The following OR51B5 variants were observed in gnomAD, a reference collection of about 807,000 sequenced individuals.
OR51B5 encodes the protein olfactory receptor 51B5.
For missense variants in OR51B5, 456 were observed against 374.6 expected (o/e 1.22, Z -1.79); for synonymous variants, 186 against 144.8 (o/e 1.28, Z -2.04).
intron 1 of OR51B5, among the ~76,000 whole-genome samples, chr11:5,379,316 T>C (rs1355537133): frequency 2.6e-5 from 4 of 151,464 alleles, no homozygotes; most frequent in African/African-American, 7.3e-5. Context: ...TGTTGTGGGG[T>C]GGGGGTGCAG....
At chr11:5,415,473 T>C in intron 1 of OR51B5, among the ~76,000 whole-genome samples, 1 of 151,328 alleles carries the variant, frequency 6.6e-6, no homozygotes, top group Non-Finnish European at 1.5e-5. Flanking sequence ...TTCAAAAAAT[T>C]AATGAATCCA....
chr11:5,434,335 A>G (rs775947601), intron 1 of OR51B5, among the ~76,000 whole-genome samples: 4 of 152,146 alleles, frequency 2.6e-5, no homozygotes, highest in Non-Finnish European at 4.4e-5. Flanking sequence ...CTCTGGACCT[A>G]CAAGTTAAAC....
At chr11:5,487,311 A>C (rs916429555) in intron 1 of OR51B5, among the ~76,000 whole-genome samples, 1 of 152,126 alleles carries the variant, frequency 6.6e-6, no homozygotes, top group Non-Finnish European at 1.5e-5. Flanking sequence ...CTGGGTATAC[A>C]AATGTTTAAT....
chr11:5,419,006 T>C (rs2133757809), intron 1 of OR51B5, among the ~76,000 whole-genome samples: 1 of 152,314 alleles, frequency 6.6e-6, no homozygotes, highest in East Asian at 1.9e-4. Flanking sequence ...TGCTCATTTT[T>C]TGAGTCATGT....
intron 1 of OR51B5, among the ~76,000 whole-genome samples, chr11:5,396,626 G>C (rs1039202914): frequency 6.6e-6 from 1 of 151,844 alleles, no homozygotes; most frequent in African/African-American, 2.4e-5. Flanking sequence ...TGGCCATACT[G>C]CCCAAGGTAA....
At chr11:5,434,432 G>A (rs953884611) in intron 1 of OR51B5, among the ~76,000 whole-genome samples, 6 of 152,120 alleles carry the variant, frequency 3.9e-5, no homozygotes, top group Non-Finnish European at 7.4e-5. Context: ...ACACTCCAGG[G>A]TGGTGCCCAC....
At chr11:5,458,585 C>T (rs140272512) in intron 1 of OR51B5, among the ~76,000 whole-genome samples, 4 of 152,228 alleles carry the variant, frequency 2.6e-5, no homozygotes, top group East Asian at 1.9e-4. Context: ...TTCCTATCCA[C>T]GGGCATGAAA....
At chr11:5,466,465 A>G (rs2133797713) in intron 1 of OR51B5, among the ~76,000 whole-genome samples, 1 of 152,328 alleles carries the variant, frequency 6.6e-6, no homozygotes. Flanking sequence ...GAAGTCAGTA[A>G]TGTGGTTTCT....
intron 1 of OR51B5, among the ~76,000 whole-genome samples, chr11:5,395,496 T>A (rs1564799025): frequency 1.3e-5 from 2 of 152,166 alleles, no homozygotes; most frequent in Non-Finnish European, 2.9e-5. Flanking sequence ...TTCTATCATA[T>A]CTCCCGTGAT....
At chr11:5,493,302 G>A (rs1241873604) in intron 1 of OR51B5, among the ~76,000 whole-genome samples, 1 of 152,148 alleles carries the variant, frequency 6.6e-6, no homozygotes, top group Non-Finnish European at 1.5e-5. Context: ...ATTCTAAAGA[G>A]ACATCATCAT....
At chr11:5,487,426 A>T (rs1851514329) in intron 1 of OR51B5, among the ~76,000 whole-genome samples, 1 of 152,140 alleles carries the variant, frequency 6.6e-6, no homozygotes, top group African/African-American at 2.4e-5. Flanking sequence ...AAGGCTTTGG[A>T]ATTTTTTTCA....
At chr11:5,343,338 T>G in exon 1 of OR51B5, 1 of 1,612,162 alleles carries the variant, frequency 6.2e-7, no homozygotes, top group East Asian at 2.2e-5. Flanking sequence ...GCAGCCAGCA[T>G]GGCCAGAAAG....
intron 1 of OR51B5, among the ~76,000 whole-genome samples, chr11:5,370,102 C>G (rs940826487): frequency 2.6e-4 from 40 of 152,046 alleles, no homozygotes; most frequent in Non-Finnish European, 7.4e-5. Context: ...CAAGCTGCTT[C>G]TATAGAAATG....
chr11:5,397,368 A>AT (rs1387251287), intron 1 of OR51B5, among the ~76,000 whole-genome samples: 2 of 152,152 alleles, frequency 1.3e-5, no homozygotes, highest in Non-Finnish European at 2.9e-5. Context: ...GAGAAAAAAA[A>AT]CCCCATCAAA....
intron 1 of OR51B5, among the ~76,000 whole-genome samples, chr11:5,480,085 A>C (rs966369728): frequency 6.6e-6 from 1 of 152,182 alleles, no homozygotes; most frequent in East Asian, 1.9e-4. Flanking sequence ...CACCTATTCC[A>C]AAATTGACCA....
intron 1 of OR51B5, among the ~76,000 whole-genome samples, chr11:5,378,367 A>G (rs1188981798): frequency 1.3e-5 from 2 of 152,080 alleles, no homozygotes; most frequent in African/African-American, 4.8e-5. Context: ...CCTAGAAGAA[A>G]ACGCAGGCAT....
chr11:5,454,188 C>T lies in OR51B5; in HGVS notation n.84+51381G>A, dbSNP rs181429737. 1.4e-4 allele frequency: 227 copies of T among 1,604,332 alleles called. No homozygotes were observed. Among genetic ancestry groups the T allele is most frequent in the Non-Finnish European group, 1.7e-4 (200 of 1,173,660 alleles). On this transcript the variant is annotated intron_variant and non_coding_transcript_variant, in intron 1 of 4. Transcript: ENST00000415970. ...CATGGCCACTGCTTCCCGTGAGGAA[C>T]GCCTCAAAGCTCTCAACACATGTGT... is the stretch of plus-strand genomic sequence containing the variant.
At chr11:5,462,395 C>T (rs1851070295) in intron 1 of OR51B5, among the ~76,000 whole-genome samples, 1 of 152,176 alleles carries the variant, frequency 6.6e-6, no homozygotes, top group African/African-American at 2.4e-5. Context: ...GAAAGGAGAA[C>T]TTGGTAGAAG....
chr11:5,435,904 T>TCC lies in OR51B5; in HGVS notation n.84+69663_84+69664dup, dbSNP rs1850585914. ...ATTTTATTAAAATTACATTTATACC[T>TCC]CCTTCCTGTCAGATTTTGAGCTCTT... On this transcript the variant is annotated intron_variant and non_coding_transcript_variant, in intron 1 of 4. Transcript: ENST00000415970. Among the ~76,000 whole-genome samples the TCC allele has an allele frequency of 2.6e-5, 4 of 152,340 alleles. No homozygotes were observed. In the South Asian group the frequency reaches 8.3e-4, roughly 32 times the overall value.
Sources: allele counts gnomAD v4.1 joint callset (sites outside exome capture counted in the v4.1 genomes callset), GRCh38; gene constraint gnomAD v4.1.1; transcripts MANE v1.5; gene names NCBI Gene and HGNC (gene_info 2026-07-23, HGNC 2026-07-21).